Variants in SLC25A40 observed in about 807,000 individuals in gnomAD.
SLC25A40 encodes the protein solute carrier family 25 member 40, also known as mitochondrial glutathione transporter SLC25A40.
SLC25A40 carries 41 observed loss-of-function variants against 46.5 expected under a neutral mutation model. That is an observed-to-expected ratio of 0.88 (90% CI 0.69 to 1.14). The LOEUF is 1.14. SLC25A40 is among the 50% of genes most tolerant of loss of function. The probability of loss-of-function intolerance (pLI) is 0.00; values close to 1 mark genes in which losing one functional copy is unlikely to be tolerated. For missense variants in SLC25A40, 386 were observed against 393.6 expected, an observed-to-expected ratio of 0.98 and a Z score of 0.16; for synonymous variants, 126 against 127.5, an observed-to-expected ratio of 0.99 and a Z score of 0.08.
At chr7:87,854,466 A>C (rs1838571625) in intron 4 of SLC25A40, among the ~76,000 whole-genome samples, 156 bp from the exon 5 acceptor site, 1 of 152,236 alleles carries the variant, frequency 6.6e-6, no homozygotes, top group Non-Finnish European at 1.5e-5. Flanking sequence ...TTTTAGGATG[A>C]AACAGACAAA....
chr7:87,858,767 CAT>C lies in SLC25A40; in HGVS notation c.-24-18_-24-17del. ...AAATAAAAACCTGTTAAAAAGAAAA[CAT>C]AAAATTAGAGCACATCCTCTGATCT... On this transcript the variant is annotated splice_polypyrimidine_tract_variant and intron_variant, in intron 2 of 11. Coordinates refer to ENST00000341119, the MANE Select transcript of SLC25A40 (RefSeq NM_018843.4). The C allele has an allele frequency of 7.1e-7, 1 of 1,399,040 alleles. No homozygotes were observed. Among genetic ancestry groups the C allele is most frequent in the Non-Finnish European group, 1.0e-6 (1 of 989,358 alleles). The allele number at this position is 1,399,040 out of a possible 1,614,324, so 86.7% of individuals were successfully genotyped here. A position where few individuals can be genotyped will look rare whatever the true frequency, so the allele number is the denominator to read the frequency against.
intron 1 of SLC25A40, among the ~76,000 whole-genome samples, chr7:87,862,947 C>T (rs1412839427): frequency 2.6e-5 from 4 of 152,148 alleles, no homozygotes; most frequent in Non-Finnish European, 5.9e-5. Context: ...CACCAGGTCT[C>T]TCCCACAATA....
At chr7:87,849,722 C>T (rs1483476115) in intron 6 of SLC25A40, among the ~76,000 whole-genome samples, 159 bp downstream of exon 6, 2 of 152,164 alleles carry the variant, frequency 1.3e-5, no homozygotes, top group African/African-American at 2.4e-5. Context: ...CCTTCTAGTA[C>T]ATCATCAAAC....
Position 87,849,917 on chromosome 7 carries a change from C to G in SLC25A40, c.296G>C (p.Gly99Ala). The G allele has an allele frequency of 1.9e-6, 3 of 1,599,200 alleles. No homozygotes were observed. The highest frequency in any genetic ancestry group is 2.6e-6 in the Non-Finnish European group (3 of 1,173,920). Residue 99 changes from glycine to alanine, a missense_variant, in exon 6 of 12, where the codon GGC becomes GCC. Physicochemically the swap from Gly to Ala is moderately conservative, Grantham distance 60. Coordinates refer to ENST00000341119, the MANE Select transcript of SLC25A40 (RefSeq NM_018843.4). ...AAGGCCACTCCATAGAGATTTAATG[C>G]CCTCATTTCGAATGATTTTAAAAAA... ...DAFFKIIRNE[G>A]IKSLWSGLPP...
chr7:87,843,917 T>C, intron 8 of SLC25A40, 54 bp from the exon 9 acceptor site: 1 of 1,476,104 alleles, frequency 6.8e-7, no homozygotes, highest in South Asian at 1.2e-5. Context: ...ATGTGGACTT[T>C]AATAAAAGAG....
rs1445302447 is a variant in SLC25A40 at position 87,847,877 on chromosome 7, T to A, written c.433A>T (p.Ile145Phe). The A allele has an allele frequency of 1.2e-6, 2 of 1,609,458 alleles. No individual in the cohort carries two copies. The highest frequency in any genetic ancestry group is 2.7e-5 in the African/African-American group (2 of 74,740). ...KLGENETCIP[I>F]VAGIVARFGA... ...CATCTGGCTACAATTCCAGCAACAATTGGTATGCAGGTTTCATTTTCTCCT... is the reference window on the plus strand; with the variant it reads ...CATCTGGCTACAATTCCAGCAACAAATGGTATGCAGGTTTCATTTTCTCCT... The change falls in exon 7 of 12, where the codon ATT becomes TTT. Residue 145 changes from isoleucine to phenylalanine, a missense_variant. Coordinates refer to ENST00000341119, the MANE Select transcript of SLC25A40 (RefSeq NM_018843.4).
chr7:87,854,133 A>G (rs1838563307), intron 5 of SLC25A40, 71 bp downstream of exon 5: 1 of 1,050,886 alleles, frequency 9.5e-7, no homozygotes, highest in Non-Finnish European at 1.5e-6. Context: ...CCCTCTTGCA[A>G]TTAGAAAATA....
intron 11 of SLC25A40, 66 bp from the exon 12 acceptor site, chr7:87,836,427 T>G: frequency 3.8e-6 from 4 of 1,057,356 alleles, no homozygotes; most frequent in Non-Finnish European, 3.9e-6. Flanking sequence ...AAAATATTAT[T>G]TTTTGGCTTT....
At chr7:87,852,136 G>GTTA in intron 5 of SLC25A40, among the ~76,000 whole-genome samples, 1 of 152,250 alleles carries the variant, frequency 6.6e-6, no homozygotes, top group African/African-American at 2.4e-5. Flanking sequence ...CATTAAAGAT[G>GTTA]TTATTACCCT....
At chr7:87,845,208 T>C (rs1298330520) in intron 8 of SLC25A40, among the ~76,000 whole-genome samples, 1 of 152,162 alleles carries the variant, frequency 6.6e-6, no homozygotes, top group Non-Finnish European at 1.5e-5. Context: ...GATCCATGCA[T>C]ACATGAAAAT....
intron 1 of SLC25A40, among the ~76,000 whole-genome samples, chr7:87,865,935 T>C (rs1355668757): frequency 2.0e-5 from 3 of 151,478 alleles, no homozygotes; most frequent in Non-Finnish European, 4.4e-5. Flanking sequence ...ATACAGAAAT[T>C]AGCCAGGTGT....
chr7:87,864,606 A>G (rs1329868023), intron 1 of SLC25A40, among the ~76,000 whole-genome samples: 1 of 152,148 alleles, frequency 6.6e-6, no homozygotes, highest in African/African-American at 2.4e-5. Flanking sequence ...CTAGTAGCCT[A>G]TTTTACATAT....
At chr7:87,861,433 A>G (rs1369641269) in intron 1 of SLC25A40, among the ~76,000 whole-genome samples, 2 of 152,198 alleles carry the variant, frequency 1.3e-5, no homozygotes, top group African/African-American at 4.8e-5. Flanking sequence ...GATTCATTCT[A>G]AATTATTAAG....
intron 1 of SLC25A40, among the ~76,000 whole-genome samples, chr7:87,862,469 C>G (rs1838721808): frequency 6.6e-6 from 1 of 152,156 alleles, no homozygotes; most frequent in Admixed American, 6.5e-5. Context: ...CCCATGAGCC[C>G]TTCTTGAGAA....
chr7:87,851,731 T>G (rs1157369960), intron 5 of SLC25A40, among the ~76,000 whole-genome samples: 2 of 152,156 alleles, frequency 1.3e-5, no homozygotes, highest in African/African-American at 4.8e-5. Context: ...AGAGGCTGGG[T>G]GGGGAACCTG....
chr7:87,839,479 A>G (rs1838300696), intron 10 of SLC25A40, among the ~76,000 whole-genome samples: 2 of 151,114 alleles, frequency 1.3e-5, no homozygotes, highest in African/African-American at 2.4e-5. Context: ...TTTCAAAAAT[A>G]TTAAATGTGT....
chr7:87,838,186 A>T (rs1838283348), intron 10 of SLC25A40, among the ~76,000 whole-genome samples: 1 of 151,544 alleles, frequency 6.6e-6, no homozygotes, highest in Admixed American at 6.6e-5. Flanking sequence ...AATGAAATTT[A>T]ACTTTCTAAG....
At chr7:87,852,381 G>A (rs1250182906) in intron 5 of SLC25A40, among the ~76,000 whole-genome samples, 2 of 152,146 alleles carry the variant, frequency 1.3e-5, no homozygotes, top group Non-Finnish European at 2.9e-5. Flanking sequence ...AGGAGTGTGA[G>A]ACTAGCCTGG....
chr7:87,860,756 T>C (rs1050282382), intron 1 of SLC25A40, 116 bp from the exon 2 acceptor site: 12 of 152,232 alleles, frequency 7.9e-5, no homozygotes, highest in Non-Finnish European at 1.5e-5. Context: ...ACTCATTAAA[T>C]GCTTTCTACT....
Sources: gnomAD v4.1 joint callset for allele counts (sites outside exome capture counted in the v4.1 genomes callset) on GRCh38, gnomAD v4.1.1 for gene constraint, MANE v1.5 for transcripts, NCBI Gene and HGNC (gene_info 2026-07-23, HGNC 2026-07-21) for gene names.